Variants in SPPL3 observed in about 807,000 individuals in gnomAD.
SPPL3 encodes the protein signal peptide peptidase like 3.
In SPPL3, 5 loss-of-function variants were observed where a neutral mutation model predicts 42.4. That is an observed-to-expected ratio of 0.12 (90% CI 0.06 to 0.25). SPPL3 has a LOEUF of 0.25. SPPL3 is among the 10% of genes least tolerant of loss of function. The pLI is 1.00. For synonymous variants in SPPL3, 195 were observed against 181.8 expected (o/e 1.07, Z -0.58); for missense variants, 235 against 489.0 (o/e 0.48, Z 4.90).
chr12:120,801,424 A>ATT (rs34670229), intron 2 of SPPL3, among the ~76,000 whole-genome samples: 7 of 145,790 alleles, frequency 4.8e-5, no homozygotes, highest in South Asian at 2.2e-4. Flanking sequence ...CCATCTGGCC[A>ATT]TTTTTTTTTT....
At chr12:120,885,153 G>C (rs1873414629) in intron 1 of SPPL3, among the ~76,000 whole-genome samples, 1 of 152,100 alleles carries the variant, frequency 6.6e-6, no homozygotes, top group Non-Finnish European at 1.5e-5. Flanking sequence ...GTAAGGCTAA[G>C]GCTTTCAGAC....
At chr12:120,899,390 A>G (rs1311717172) in intron 1 of SPPL3, among the ~76,000 whole-genome samples, 1 of 152,182 alleles carries the variant, frequency 6.6e-6, no homozygotes, top group African/African-American at 2.4e-5. Context: ...CTTTCAACAA[A>G]GGATGAACCA....
Position 120,813,463 on chromosome 12 carries a change from G to GC in SPPL3, c.24-2578dup, listed in dbSNP as rs571892928. ...CTCCTGAGAAGCTGGGGTTACAGGC[G>GC]CCCCCCCACCACGCCCAGCTAATTT... On this transcript the variant is annotated intron_variant, in intron 1 of 10. Coordinates refer to ENST00000353487, the MANE Select transcript of SPPL3 (RefSeq NM_139015.5). 2.3e-3 allele frequency among the ~76,000 whole-genome samples: 352 copies of GC among 151,558 alleles called. 1 individual carries two copies. Among genetic ancestry groups the GC allele is most frequent in the Non-Finnish European group, 3.9e-3 (266 of 67,870 alleles).
intron 1 of SPPL3, among the ~76,000 whole-genome samples, chr12:120,825,006 A>G (rs1871196037): frequency 6.6e-6 from 1 of 151,738 alleles, no homozygotes; most frequent in Non-Finnish European, 1.5e-5. Context: ...CATGCCCCCC[A>G]CCCCCAGTCC....
intron 1 of SPPL3, among the ~76,000 whole-genome samples, chr12:120,842,501 A>G (rs1383028712): frequency 1.3e-5 from 2 of 152,220 alleles, no homozygotes; most frequent in African/African-American, 2.4e-5. Context: ...TTGGGCTGCT[A>G]TAACAAAATA....
chr12:120,860,683 T>C (rs1013656445), intron 1 of SPPL3, among the ~76,000 whole-genome samples: 1 of 152,164 alleles, frequency 6.6e-6, no homozygotes, highest in African/African-American at 2.4e-5. Flanking sequence ...CGCACAAAAG[T>C]TTGTTCGTGA....
chr12:120,898,943 G>A (rs546191898), intron 1 of SPPL3, among the ~76,000 whole-genome samples: 12 of 152,126 alleles, frequency 7.9e-5, no homozygotes, highest in Non-Finnish European at 1.6e-4. Flanking sequence ...TGTTGAGCAG[G>A]GGTTCAATAC....
chr12:120,891,601 TGAGA>T (rs763734222), intron 1 of SPPL3, among the ~76,000 whole-genome samples: 12 of 152,246 alleles, frequency 7.9e-5, no homozygotes, highest in South Asian at 6.2e-4. Context: ...GAAATAGTAG[TGAGA>T]GAGAAATATT....
intron 3 of SPPL3, among the ~76,000 whole-genome samples, chr12:120,789,377 C>G (rs1869829542): frequency 7.1e-6 from 1 of 140,402 alleles, no homozygotes; most frequent in African/African-American, 2.6e-5. Context: ...TCACTTGAAC[C>G]CGGGAGGCGG....
At chr12:120,813,741 A>G (rs922902671) in intron 1 of SPPL3, among the ~76,000 whole-genome samples, 5 of 152,258 alleles carry the variant, frequency 3.3e-5, no homozygotes, top group East Asian at 1.9e-4. Context: ...AAGGAAGCCA[A>G]CTGAAATCCA....
intron 1 of SPPL3, among the ~76,000 whole-genome samples, chr12:120,869,234 TACC>T (rs1872851230): frequency 6.6e-6 from 1 of 152,212 alleles, no homozygotes; most frequent in Non-Finnish European, 1.5e-5. Context: ...GTGACTACGA[TACC>T]ATGAGGAGTA....
intron 1 of SPPL3, among the ~76,000 whole-genome samples, chr12:120,812,123 A>T (rs754730839): frequency 1.7e-4 from 25 of 147,158 alleles, no homozygotes; most frequent in Admixed American, 1.4e-3. Context: ...AAAAAAAAGT[A>T]ACATAGGAGG....
intron 1 of SPPL3, among the ~76,000 whole-genome samples, chr12:120,900,949 A>C (rs140946003): frequency 2.6e-5 from 4 of 150,962 alleles, no homozygotes; most frequent in Admixed American, 2.6e-4. Context: ...AAAAGTAATC[A>C]ACTCTTGATT....
At chr12:120,809,815 T>TA (rs1870623103) in intron 2 of SPPL3, among the ~76,000 whole-genome samples, 1 of 152,296 alleles carries the variant, frequency 6.6e-6, no homozygotes, top group East Asian at 1.9e-4. Flanking sequence ...AGATGAACCA[T>TA]ATGAAATTGT....
chr12:120,823,243 G>A (rs941299762), intron 1 of SPPL3, among the ~76,000 whole-genome samples: 48 of 151,190 alleles, frequency 3.2e-4, no homozygotes, highest in Non-Finnish European at 6.1e-4. Context: ...CGGCGGTGGC[G>A]GGGAGGACAG....
intron 1 of SPPL3, among the ~76,000 whole-genome samples, chr12:120,857,450 T>C (rs971168466): frequency 1.3e-5 from 2 of 152,174 alleles, no homozygotes; most frequent in African/African-American, 4.8e-5. Context: ...GAAATACCAT[T>C]TGACCCAGCA....
intron 1 of SPPL3, among the ~76,000 whole-genome samples, chr12:120,833,722 C>CA (rs36190846): frequency 0.24 from 33,444 of 138,090 alleles, 5,315 homozygotes; most frequent in Non-Finnish European, 0.35. Flanking sequence ...GGAGGAAAAA[C>CA]AGATGCATAC....
intron 2 of SPPL3, among the ~76,000 whole-genome samples, chr12:120,804,317 C>T (rs1870420399): frequency 6.6e-6 from 1 of 151,988 alleles, no homozygotes; most frequent in Non-Finnish European, 1.5e-5. Context: ...TATAAGCATA[C>T]AGAAAGTGAA....
chr12:120,846,153 G>A (rs759037171), intron 1 of SPPL3, among the ~76,000 whole-genome samples: 1 of 152,112 alleles, frequency 6.6e-6, no homozygotes, highest in Non-Finnish European at 1.5e-5. Context: ...TTTAGGGTTA[G>A]CTCTGTGAGA....
Sources: allele counts gnomAD v4.1 joint callset (sites outside exome capture counted in the v4.1 genomes callset), GRCh38; gene constraint gnomAD v4.1.1; transcripts MANE v1.5; gene names NCBI Gene and HGNC (gene_info 2026-07-23, HGNC 2026-07-21).